Variants in MYO3A observed in about 807,000 individuals in gnomAD.
MYO3A encodes the protein myosin-IIIa.
Under a neutral mutation model 192.7 loss-of-function variants are expected in MYO3A, and 180 were observed. The observed-to-expected ratio is 0.93, with a 90% CI of 0.83 to 1.06. MYO3A has a LOEUF of 1.06. Among genes scored for constraint, MYO3A ranks in the 50% least tolerant of loss-of-function variants. The pLI is 0.00. For synonymous variants in MYO3A, 628 were observed against 645.3 expected, an observed-to-expected ratio of 0.97 and a Z score of 0.41; for missense variants, 1,896 against 1,905.0, an observed-to-expected ratio of 1.00 and a Z score of 0.09.
At chr10:26,016,934 G>A (rs1437576363) in intron 7 of MYO3A, 38 bp downstream of exon 7, 2 of 1,576,422 alleles carry the variant, frequency 1.3e-6, no homozygotes, top group South Asian at 1.1e-5. Flanking sequence ...CGTAATAGCT[G>A]ATCCTGTTTG....
At chr10:26,065,447 G>A (rs576313684) in intron 10 of MYO3A, among the ~76,000 whole-genome samples, 18 of 151,898 alleles carry the variant, frequency 1.2e-4, no homozygotes, top group South Asian at 2.1e-4. Context: ...TTAGCTGAGC[G>A]TGGTGGCCAC....
chr10:26,167,952 G>C (rs894638783), intron 27 of MYO3A, among the ~76,000 whole-genome samples: 1 of 152,176 alleles, frequency 6.6e-6, no homozygotes, highest in Non-Finnish European at 1.5e-5. Flanking sequence ...CCATTAAAAG[G>C]AAAACAAACA....
At chr10:25,991,367 T>C (rs971643567) in intron 4 of MYO3A, among the ~76,000 whole-genome samples, 1 of 152,212 alleles carries the variant, frequency 6.6e-6, no homozygotes, top group Non-Finnish European at 1.5e-5. Flanking sequence ...GTTGTTTGTT[T>C]TTTTCTTGTA....
At chr10:26,208,120 T>C (rs1448294003) in intron 34 of MYO3A, among the ~76,000 whole-genome samples, 1 of 152,010 alleles carries the variant, frequency 6.6e-6, no homozygotes, top group Non-Finnish European at 1.5e-5. Flanking sequence ...AGGCAATCAG[T>C]GATTAGAGAA....
Position 26,081,133 on chromosome 10 carries a change from T to TCCCCCCCCCTTCCCCCCCCCCCCCCCC in MYO3A, c.1360-7061_1360-7060insTTCCCCCCCCCCCCCCCCCCCCCCCCC, listed in dbSNP as rs1835907338. Among the ~76,000 whole-genome samples, 5 of 84,938 alleles carry TCCCCCCCCCTTCCCCCCCCCCCCCCCC rather than the reference T, an allele frequency of 5.9e-5. 1 individual carries two copies. Among genetic ancestry groups the TCCCCCCCCCTTCCCCCCCCCCCCCCCC allele is most frequent in the African/African-American group, 2.1e-4 (5 of 23,700 alleles). The allele number at this position is 84,938 out of a possible 152,430, so 55.7% of individuals were successfully genotyped here. On this transcript the variant is annotated intron_variant, in intron 14 of 34. Transcript: ENST00000642920. ...TAGAATTCCCAAGATTATATGCCCTTCCCCCCCCCCCCGCCCCCGCTACCA... is the reference window on the plus strand; with the variant it reads ...TAGAATTCCCAAGATTATATGCCCTTCCCCCCCCCTTCCCCCCCCCCCCCCCCCCCCCCCCCCCCGCCCCCGCTACCA...
intron 10 of MYO3A, among the ~76,000 whole-genome samples, chr10:26,044,073 A>T (rs930911296): frequency 6.6e-6 from 1 of 152,170 alleles, no homozygotes; most frequent in Non-Finnish European, 1.5e-5. Context: ...AGTCAGCAGC[A>T]TATCTTCTGG....
chr10:25,981,330 A>G (rs1045347986), intron 4 of MYO3A, among the ~76,000 whole-genome samples: 2 of 152,228 alleles, frequency 1.3e-5, no homozygotes, highest in African/African-American at 4.8e-5. Context: ...ACCTACCTGT[A>G]TGTAAAACTG....
At chr10:26,093,568 C>T (rs1368599907) in intron 15 of MYO3A, among the ~76,000 whole-genome samples, 1 of 152,172 alleles carries the variant, frequency 6.6e-6, no homozygotes, top group Admixed American at 6.5e-5. Flanking sequence ...CTAGATTCTC[C>T]TGATTCCTCT....
chr10:26,143,598 G>A lies in MYO3A; in HGVS notation c.2413G>A (p.Val805Ile). The change falls in exon 21 of 35, where the codon GTA becomes ATA. Residue 805 changes from valine to isoleucine, a missense_variant. Coordinates refer to ENST00000642920, the MANE Select transcript of MYO3A (RefSeq NM_017433.5). ...RFPKATDQTL[V>I]EKFEGNLKSQ... Reference sequence around the variant, plus strand: ...TCCCAAGGCCACTGACCAGACTCTTGTAGGTGAGTTTTCAGTCCAGTGTGT... The same window carrying A: ...TCCCAAGGCCACTGACCAGACTCTTATAGGTGAGTTTTCAGTCCAGTGTGT... The A allele has an allele frequency of 1.2e-6, 2 of 1,613,934 alleles. No individual in the cohort carries two copies. Among genetic ancestry groups the A allele is most frequent in the South Asian group, 1.1e-5 (1 of 91,070 alleles).
chr10:25,985,228 ACT>A (rs1223408317), intron 4 of MYO3A, among the ~76,000 whole-genome samples: 2 of 132,860 alleles, frequency 1.5e-5, no homozygotes, highest in African/African-American at 6.0e-5. Flanking sequence ...ACAAAGCAAG[ACT>A]CTGTCTCAAA....
At chr10:26,202,099 C>T (rs1433710749) in intron 33 of MYO3A, among the ~76,000 whole-genome samples, 1 of 152,172 alleles carries the variant, frequency 6.6e-6, no homozygotes, top group Non-Finnish European at 1.5e-5. Context: ...TCTTATATTT[C>T]CCACTGATAT....
rs572103465 is a variant in MYO3A, at chr10:25,998,686, T to C, written c.508+1428T>C. Among the ~76,000 whole-genome samples, 4 of 152,268 alleles carry C rather than the reference T, an allele frequency of 2.6e-5. No individual in the cohort carries two copies. The South Asian group carries it at 6.2e-4, about 24-fold the overall frequency. On this transcript the variant is annotated intron_variant, in intron 6 of 34. Transcript: ENST00000642920. Reference sequence around the variant, plus strand: ...GCTATTTAACTTGGGATCTCACAATTCCCTTCCTCTAAAAAATAGATACAG... The same window carrying C: ...GCTATTTAACTTGGGATCTCACAATCCCCTTCCTCTAAAAAATAGATACAG...
chr10:26,190,119 GAGAT>G (rs1843056370), intron 31 of MYO3A, among the ~76,000 whole-genome samples: 1 of 152,092 alleles, frequency 6.6e-6, no homozygotes, highest in Non-Finnish European at 1.5e-5. Flanking sequence ...TTTCATTTGT[GAGAT>G]AAAGCATAGA....
chr10:26,122,581 A>AGTT (rs535915575), intron 18 of MYO3A, among the ~76,000 whole-genome samples: 1 of 152,160 alleles, frequency 6.6e-6, no homozygotes, highest in African/African-American at 2.4e-5. Flanking sequence ...GTGACCTCCC[A>AGTT]GTTGTTCATT....
intron 4 of MYO3A, among the ~76,000 whole-genome samples, chr10:25,990,518 T>TA (rs1236594571): frequency 2.0e-5 from 3 of 149,056 alleles, no homozygotes; most frequent in East Asian, 1.9e-4. Flanking sequence ...AATATATATA[T>TA]TTTTTATTAT....
At chr10:26,113,533 C>T (rs1838323921) in intron 17 of MYO3A, among the ~76,000 whole-genome samples, 1 of 151,092 alleles carries the variant, frequency 6.6e-6, no homozygotes. Flanking sequence ...TGTGTGTATT[C>T]CATTTGGTTT....
At chr10:26,064,842 G>A (rs1239406481) in intron 10 of MYO3A, among the ~76,000 whole-genome samples, 2 of 152,150 alleles carry the variant, frequency 1.3e-5, no homozygotes, top group African/African-American at 2.4e-5. Context: ...ATAGGAAGGA[G>A]TAGGTTTGGA....
At chr10:26,179,009 G>A (rs1842474279) in intron 31 of MYO3A, among the ~76,000 whole-genome samples, 1 of 151,116 alleles carries the variant, frequency 6.6e-6, no homozygotes. Flanking sequence ...CACCATGTTA[G>A]CCAGGGTGGT....
chr10:25,970,422 G>C (rs1006781782), intron 4 of MYO3A, among the ~76,000 whole-genome samples: 1 of 152,016 alleles, frequency 6.6e-6, no homozygotes, highest in Admixed American at 6.6e-5. Context: ...CATATCAAAT[G>C]TGTAGAATGC....
Sources: gnomAD v4.1 joint callset for allele counts (sites outside exome capture counted in the v4.1 genomes callset) on GRCh38, gnomAD v4.1.1 for gene constraint, MANE v1.5 for transcripts, NCBI Gene and HGNC (gene_info 2026-07-23, HGNC 2026-07-21) for gene names.